The following DHRS3 variants were observed in gnomAD, a reference collection of about 807,000 sequenced individuals.
DHRS3 encodes the protein dehydrogenase/reductase 3, also known as short-chain dehydrogenase/reductase 3.
Under a neutral mutation model 27.2 loss-of-function variants are expected in DHRS3, and 14 were observed. The ratio of observed to expected loss-of-function variants is 0.52; its 90% CI spans 0.34 to 0.81. DHRS3 has a LOEUF of 0.81. Among genes scored for constraint, DHRS3 ranks in the 30% least tolerant of loss-of-function variants. The pLI is 0.01. For missense variants in DHRS3, 322 were observed against 406.2 expected (o/e 0.79, Z 1.78); for synonymous variants, 165 against 175.9 (o/e 0.94, Z 0.49).
chr1:12,605,533 T>G (rs1646864683), intron 1 of DHRS3, among the ~76,000 whole-genome samples: 1 of 152,196 alleles, frequency 6.6e-6, no homozygotes, highest in African/African-American at 2.4e-5. Context: ...ACATTCATGC[T>G]TTTACCACAA....
intron 1 of DHRS3, chr1:12,596,186 C>A (rs1038162951): frequency 8.2e-6 from 1 of 121,746 alleles, no homozygotes. Context: ...GCAGCCCTCG[C>A]CGCCCCTCTG....
At position 12,578,654 on chromosome 1, in the gene DHRS3, G is replaced by A; in HGVS notation, c.698+64C>T. The stretch of plus-strand genomic sequence containing the variant: ...ATCAGAGCTCTTTCTGCAGTTGGCT[G>A]ACTGAATGGCTTGGGGAGGCAGGTG... On this transcript the variant is annotated intron_variant, in intron 4 of 5. Transcript: ENST00000616661. The surrounding 1 kb of genome is among the most constrained non-coding windows in gnomAD (Gnocchi z 4.5). 1 of 1,491,160 alleles carries A rather than the reference G, an allele frequency of 6.7e-7. No homozygotes were observed. The highest frequency in any genetic ancestry group is 1.1e-5 in the South Asian group (1 of 87,456). 92.4% of individuals were successfully genotyped at this position (1,491,160 alleles called of 1,614,324 possible).
At chr1:12,585,376 AGT>A (rs1285860518) in intron 1 of DHRS3, among the ~76,000 whole-genome samples, 1 of 116,502 alleles carries the variant, frequency 8.6e-6, no homozygotes, top group Non-Finnish European at 1.9e-5. Flanking sequence ...TCTCTGTGTG[AGT>A]GTGTGTCTGT....
chr1:12,579,115 G>T (rs187468511), intron 3 of DHRS3, 159 bp from the exon 4 acceptor site: 1 of 1,281,650 alleles, frequency 7.8e-7, no homozygotes, highest in Non-Finnish European at 1.1e-6. Context: ...CCAGGACACC[G>T]AGCATATTTC....
chr1:12,612,072 A>G (rs1188867992), intron 1 of DHRS3, among the ~76,000 whole-genome samples: 1 of 151,932 alleles, frequency 6.6e-6, no homozygotes, highest in South Asian at 2.1e-4. Flanking sequence ...TAAGAAGGAG[A>G]TGTTTGTTTA....
intron 1 of DHRS3, among the ~76,000 whole-genome samples, chr1:12,597,157 A>G (rs1002631009): frequency 1.3e-5 from 2 of 151,878 alleles, no homozygotes; most frequent in African/African-American, 4.8e-5. Context: ...GCTCACTGCA[A>G]CCTCCGCCTC....
At chr1:12,583,251 A>G (rs1205497574) in intron 1 of DHRS3, among the ~76,000 whole-genome samples, 1 of 143,448 alleles carries the variant, frequency 7.0e-6, no homozygotes, top group Non-Finnish European at 1.5e-5. Flanking sequence ...CCACTCACCT[A>G]CCCAACTCCA....
intron 1 of DHRS3, among the ~76,000 whole-genome samples, chr1:12,590,095 C>A (rs894304568): frequency 1.3e-5 from 2 of 152,044 alleles, no homozygotes; most frequent in Admixed American, 1.3e-4. Context: ...AAGGTAGAGA[C>A]CAGCTGTCAA....
intron 1 of DHRS3, among the ~76,000 whole-genome samples, chr1:12,613,982 G>T (rs1383738787): frequency 6.6e-6 from 1 of 151,970 alleles, no homozygotes; most frequent in Non-Finnish European, 1.5e-5. Flanking sequence ...TGTTGGCCAG[G>T]CTGGTCTCGA....
chr1:12,598,641 T>G (rs1392055144), intron 1 of DHRS3, among the ~76,000 whole-genome samples: 1 of 152,212 alleles, frequency 6.6e-6, no homozygotes, highest in African/African-American at 2.4e-5. Context: ...GACCTTGCTG[T>G]GGGCATCACT....
chr1:12,601,934 C>G (rs560889048), intron 1 of DHRS3, among the ~76,000 whole-genome samples: 14 of 152,338 alleles, frequency 9.2e-5, no homozygotes, highest in African/African-American at 2.9e-4. Flanking sequence ...CTGGCTCTAA[C>G]TAGCTACAAT....
Position 12,578,372 on chromosome 1 carries a change from C to T in DHRS3, c.698+346G>A, listed in dbSNP as rs1033622237. On this transcript the variant is annotated intron_variant, in intron 4 of 5. Coordinates refer to ENST00000616661, the MANE Select transcript of DHRS3 (RefSeq NM_004753.7). The surrounding 1 kb of genome is among the most constrained non-coding windows in gnomAD (Gnocchi z 4.5). ...TCTCCCAGGCTGGAGTGCAGTCGCA[C>T]AATCACAGCTCACTTGCAGCCTCAA... Among the ~76,000 whole-genome samples, 1 of 152,224 alleles carries T rather than the reference C, an allele frequency of 6.6e-6. No homozygotes were observed. Among genetic ancestry groups the T allele is most frequent in the Non-Finnish European group, 1.5e-5 (1 of 68,040 alleles).
chr1:12,603,310 C>T (rs955727654), intron 1 of DHRS3, among the ~76,000 whole-genome samples: 19 of 152,200 alleles, frequency 1.2e-4, no homozygotes, highest in Non-Finnish European at 4.4e-5. Flanking sequence ...AAGGGTCCAT[C>T]GAGGAGAGGG....
chr1:12,576,499 T>C (rs1044650503), intron 4 of DHRS3, among the ~76,000 whole-genome samples: 1 of 151,752 alleles, frequency 6.6e-6, no homozygotes, highest in Admixed American at 6.6e-5. Context: ...GAGACGGAGC[T>C]TGCAGTGAGC....
intron 1 of DHRS3, 103 bp from the exon 2 acceptor site, chr1:12,580,769 G>T: frequency 7.3e-7 from 1 of 1,372,994 alleles, no homozygotes; most frequent in South Asian, 1.4e-5. Flanking sequence ...GTCTTGAAAT[G>T]ACTGGCCTCC....
rs1441942441 is a variant in DHRS3 at position 12,618,061 on chromosome 1, G to T, written c.-713C>A. On this transcript the variant is annotated 5_prime_UTR_variant, in exon 1 of 6. Transcript: ENST00000616661. This position sits in a 1 kb window ranked among gnomAD's most constrained non-coding sequence, Gnocchi z 4.2. The stretch of plus-strand genomic sequence containing the variant: ...CGCTCGCCCTCGCGCGCGCTCGCTC[G>T]CTCCGGCTCCCTCCCTCCCTCTCTG... Among the ~76,000 whole-genome samples, 2 of 151,934 alleles carry T rather than the reference G, an allele frequency of 1.3e-5. No homozygotes were observed. The highest frequency in any genetic ancestry group is 2.9e-5 in the Non-Finnish European group (2 of 67,980).
At chr1:12,602,038 G>C (rs1315840678) in intron 1 of DHRS3, among the ~76,000 whole-genome samples, 1 of 152,216 alleles carries the variant, frequency 6.6e-6, no homozygotes, top group Non-Finnish European at 1.5e-5. Context: ...TGGTGAGTGA[G>C]AGGGCATGCC....
chr1:12,600,390 G>C, intron 1 of DHRS3: 1 of 985,368 alleles, frequency 1.0e-6, no homozygotes, highest in Non-Finnish European at 1.2e-6. Context: ...TAAGGACCCC[G>C]TCTCCTCTGC....
chr1:12,579,796 T>C (rs1365567455), intron 2 of DHRS3: 4 of 207,326 alleles, frequency 1.9e-5, no homozygotes, highest in Non-Finnish European at 2.9e-5. Flanking sequence ...AAAAGGGATA[T>C]GGCTTACTCC....
Sources: gnomAD v4.1 joint callset for allele counts (sites outside exome capture counted in the v4.1 genomes callset) on GRCh38, gnomAD v4.1.1 for gene constraint, Gnocchi (gnomAD v3.1) non-coding constraint, MANE v1.5 for transcripts, NCBI Gene and HGNC (gene_info 2026-07-23, HGNC 2026-07-21) for gene names.